Variants in DNAH2 observed in about 807,000 individuals in gnomAD.
DNAH2 encodes axonemal beta dynein heavy chain 2.
DNAH2 carries 323 observed loss-of-function variants against 523.5 expected under a neutral mutation model. That is an observed-to-expected ratio of 0.62 (90% CI 0.56 to 0.68). The LOEUF is 0.68. Ranked by LOEUF, DNAH2 falls within the 30% of genes least tolerant of loss-of-function variation. The pLI is 0.00. For synonymous variants in DNAH2, 2,093 were observed against 2,177.4 expected, an observed-to-expected ratio of 0.96 and a Z score of 1.08; for missense variants, 4,907 against 5,701.5, an observed-to-expected ratio of 0.86 and a Z score of 4.49.
chr17:7,783,380 A>G (rs545525380), intron 39 of DNAH2, among the ~76,000 whole-genome samples: 1 of 152,298 alleles, frequency 6.6e-6, no homozygotes, highest in Admixed American at 6.5e-5. Flanking sequence ...CCGGGCCAGG[A>G]TGACTTTTTA....
rs1427176142 is a variant in DNAH2 at position 7,831,484 on chromosome 17, T to A, written c.12554T>A (p.Leu4185His). Residue 4185 changes from leucine (L) to histidine (H), a missense_variant, in exon 81 of 86, where the codon CTC (leucine) becomes CAC (histidine). Physicochemically the swap from Leu to His is moderately conservative, Grantham distance 99 (BLOSUM62 -3). Around this residue, in one of 3 missense-constraint regions of DNAH2, gnomAD observed 1,851 missense variants for 2,139.4 expected, o/e 0.87. Coordinates refer to ENST00000572933, the MANE Select transcript of DNAH2 (RefSeq NM_020877.5). This position sits in a 1 kb window ranked among gnomAD's most constrained non-coding sequence, Gnocchi z 4.2. ...CTGCTAGCTCTCGACCCCTCCCCCC[T>A]CAATGTGGTCCTTCTGCAGGAGATC... ...QKLLALDPSP[L>H]NVVLLQEIQR... 4 of 1,614,028 alleles carry A rather than the reference T, an allele frequency of 2.5e-6. No individual in the cohort carries two copies. The highest frequency in any genetic ancestry group is 3.4e-6 in the Non-Finnish European group (4 of 1,180,032).
chr17:7,758,403 A>T (rs2075904206), intron 13 of DNAH2, 92 bp from the exon 14 acceptor site: 1 of 1,467,924 alleles, frequency 6.8e-7, no homozygotes, highest in African/African-American at 1.5e-5. Context: ...CTAGTGGTCT[A>T]GAAATGTTCA....
intron 64 of DNAH2, 138 bp from the exon 65 acceptor site, chr17:7,817,152 C>A: frequency 2.5e-6 from 3 of 1,211,380 alleles, no homozygotes; most frequent in Non-Finnish European, 3.3e-6. Flanking sequence ...CTAGAGTTGT[C>A]AGGACACACA....
chr17:7,726,412 T>C (rs1352274088), intron 3 of DNAH2, among the ~76,000 whole-genome samples: 1 of 151,812 alleles, frequency 6.6e-6, no homozygotes, highest in Non-Finnish European at 1.5e-5. Context: ...CAAGCGATTC[T>C]CCTGCCGCAG....
rs552171260 is a variant in DNAH2, at chr17:7,795,015, A to T, written c.7674+657A>T. Among the ~76,000 whole-genome samples the T allele has an allele frequency of 2.6e-5, 4 of 151,642 alleles. No homozygotes were observed. The South Asian group carries it at 8.3e-4, about 32-fold the overall frequency. On this transcript the variant is annotated intron_variant, in intron 49 of 85. Transcript: ENST00000572933. Reference sequence around the variant, plus strand: ...AGAGATCCACCAACCTCAGCCTCCCACCACACTTGGCCTCACTTTTTTTTT... The same window carrying T: ...AGAGATCCACCAACCTCAGCCTCCCTCCACACTTGGCCTCACTTTTTTTTT...
Position 7,797,158 on chromosome 17 carries a change from A to G in DNAH2, c.7864-18A>G. On this transcript the variant is annotated intron_variant, in intron 50 of 85. Transcript: ENST00000572933. ...AATCTTTTTGCTCCCTGGTCCCAAC[A>G]GTCAGTCCTCTTCCCAGGTGTTCCA... The G allele has an allele frequency of 6.2e-7, 1 of 1,608,888 alleles. No individual in the cohort carries two copies. The highest frequency in any genetic ancestry group is 8.5e-7 in the Non-Finnish European group (1 of 1,176,180).
At chr17:7,787,329 C>T (rs2076768545) in intron 42 of DNAH2, 1 of 482,316 alleles carries the variant, frequency 2.1e-6, no homozygotes, top group East Asian at 3.5e-5. Context: ...TTTGTGCACC[C>T]AGAGGTATGA....
Position 7,801,710 on chromosome 17 carries a change from T to C in DNAH2, c.8832T>C (p.Asn2944=). ...GAGTAGACCTGGGAACTCAGGAGAA[T>C]GTGAGCCCCTCCTCCCCACCTCTCA... is the stretch of plus-strand genomic sequence containing the variant. The part of the protein sequence containing the change: ...LIGVDLGTQE[N]IHRKVAQIFV... Residue 2944 remains asparagine (N), a splice_region_variant and synonymous_variant, in exon 57 of 86, where the codon AAT becomes AAC. Coordinates refer to ENST00000572933, the MANE Select transcript of DNAH2 (RefSeq NM_020877.5). The C allele has an allele frequency of 5.0e-6, 8 of 1,613,956 alleles. No homozygotes were observed. Among genetic ancestry groups the C allele is most frequent in the Non-Finnish European group, 6.8e-6 (8 of 1,179,994 alleles).
At chr17:7,740,338 A>G (rs2151151527) in intron 9 of DNAH2, 82 bp from the exon 10 acceptor site, 1 of 1,582,196 alleles carries the variant, frequency 6.3e-7, no homozygotes, top group Non-Finnish European at 8.6e-7. Context: ...TGTCCTCAGC[A>G]ATGCATGGGA....
chr17:7,776,984 G>T, intron 32 of DNAH2, 95 bp downstream of exon 32: 1 of 1,021,956 alleles, frequency 9.8e-7, no homozygotes, highest in Non-Finnish European at 1.5e-6. Context: ...AGGAGTTCGA[G>T]ACCAGCCTGG....
At chr17:7,740,160 G>A (rs1328676390) in intron 9 of DNAH2, among the ~76,000 whole-genome samples, 1 of 151,906 alleles carries the variant, frequency 6.6e-6, no homozygotes, top group Non-Finnish European at 1.5e-5. Context: ...TCTTGGTTCT[G>A]CCACATACCA....
At chr17:7,740,656 C>T in intron 10 of DNAH2, 107 bp downstream of exon 10, 1 of 1,546,434 alleles carries the variant, frequency 6.5e-7, no homozygotes, top group Non-Finnish European at 8.7e-7. Context: ...CCATGTCCAG[C>T]ATTCGGGCGC....
At chr17:7,779,861 G>A (rs530336240) in intron 36 of DNAH2, among the ~76,000 whole-genome samples, 1 of 152,278 alleles carries the variant, frequency 6.6e-6, no homozygotes, top group South Asian at 2.1e-4. Context: ...TTTCTATTAG[G>A]ACTGATGAGA....
chr17:7,769,813 C>T (rs1404616780), intron 24 of DNAH2, among the ~76,000 whole-genome samples: 1 of 152,102 alleles, frequency 6.6e-6, no homozygotes, highest in Admixed American at 6.5e-5. Flanking sequence ...TTGGCAATGC[C>T]AAACCATTAA....
At chr17:7,796,720 C>G (rs2077074284) in intron 50 of DNAH2, 68 bp downstream of exon 50, 3 of 1,535,032 alleles carry the variant, frequency 2.0e-6, no homozygotes, top group Non-Finnish European at 2.6e-6. Flanking sequence ...TCTTCTCAAA[C>G]TAAGCCTTAA....
In DNAH2 at chr17:7,832,785, A is replaced by G. The variant is rs1012942996; in HGVS notation, c.12903+30A>G. On this transcript the variant is annotated intron_variant, in intron 83 of 85. Coordinates refer to ENST00000572933, the MANE Select transcript of DNAH2 (RefSeq NM_020877.5). The surrounding 1 kb of genome is among the most constrained non-coding windows in gnomAD (Gnocchi z 4.3). ...GCAATGTGCAAAGTGTGAGGGGGGG[A>G]TGTATGCTGGGGCCATGTATGTGTT... The G allele has an allele frequency of 1.2e-6, 2 of 1,613,494 alleles. No individual in the cohort carries two copies. Among genetic ancestry groups the G allele is most frequent in the Non-Finnish European group, 1.7e-6 (2 of 1,179,910 alleles).
At chr17:7,720,101 C>A (rs2074555142) in intron 2 of DNAH2, among the ~76,000 whole-genome samples, 1 of 152,178 alleles carries the variant, frequency 6.6e-6, no homozygotes, top group Non-Finnish European at 1.5e-5. Context: ...CCAGCCTCAT[C>A]CTTGTTCTTT....
At chr17:7,739,354 C>T (rs1288632536) in intron 8 of DNAH2, among the ~76,000 whole-genome samples, 5 of 152,050 alleles carry the variant, frequency 3.3e-5, no homozygotes, top group African/African-American at 1.2e-4. Context: ...TGCAGTGAGC[C>T]GAGATCATGC....
intron 22 of DNAH2, 60 bp downstream of exon 22, chr17:7,766,541 G>A (rs1042749723): frequency 9.0e-6 from 14 of 1,550,648 alleles, no homozygotes; most frequent in Non-Finnish European, 8.8e-7. Context: ...ACAGGAGAAT[G>A]GGTCCTTAGC....
Sources: allele counts gnomAD v4.1 joint callset (sites outside exome capture counted in the v4.1 genomes callset), GRCh38; gene constraint gnomAD v4.1.1; regional missense constraint gnomAD v4.1.1; non-coding constraint Gnocchi (gnomAD v3.1); transcripts MANE v1.5; gene names NCBI Gene and HGNC (gene_info 2026-07-23, HGNC 2026-07-21).